KIT: variants seen among roughly 807,000 people sequenced by gnomAD.
The protein encoded by KIT is KIT proto-oncogene, receptor tyrosine kinase, also known as mast/stem cell growth factor receptor Kit.
A neutral mutation model predicts 105.7 loss-of-function variants in KIT; 16 were observed. That is an observed-to-expected ratio of 0.15 (90% confidence interval 0.10 to 0.23). The LOEUF (loss-of-function observed/expected upper bound fraction) is 0.23, where lower values mean the gene tolerates loss of function less well. Among genes scored for constraint, KIT ranks in the 10% least tolerant of loss-of-function variants. The pLI is 1.00. For synonymous variants in KIT, 438 were observed against 441.1 expected (o/e 0.99, Z 0.09); for missense variants, 858 against 1,213.8 (o/e 0.71, Z 4.36).
At position 54,731,443 on chromosome 4, in the gene KIT, C is replaced by G. The variant is rs1722592737; in HGVS notation, c.2233+24C>G. On this transcript the variant is annotated intron_variant, in intron 15 of 20. Coordinates refer to ENST00000288135, the MANE Select transcript of KIT (RefSeq NM_000222.3). ...AGGTGAGTACCTACCTATCAAGCAA[C>G]CAAGAGTAACTTTACAGAGAGTATG... The G allele has an allele frequency of 2.8e-6, 4 of 1,442,816 alleles. No individual in the cohort carries two copies. In the African/African-American group the frequency reaches 5.6e-5, roughly 20 times the overall value. 89.4% of individuals were successfully genotyped at this position (1,442,816 alleles called of 1,614,324 possible). A position where few individuals can be genotyped will look rare whatever the true frequency, so the allele number is the denominator to read the frequency against.
intron 1 of KIT, among the ~76,000 whole-genome samples, chr4:54,679,163 A>G (rs913857663): frequency 2.6e-5 from 4 of 152,158 alleles, no homozygotes; most frequent in Non-Finnish European, 5.9e-5. Flanking sequence ...AAACACATGC[A>G]CTGCCTTCCT....
chr4:54,699,131 T>C lies in KIT; in HGVS notation c.620-499T>C, dbSNP rs190153786. ...TCATCTAATTCAACACCAGTTGGCA[T>C]TCAGCTATTGAGTACAGTTTTTATT... On this transcript the variant is annotated intron_variant, in intron 3 of 20. Coordinates refer to ENST00000288135, the MANE Select transcript of KIT (RefSeq NM_000222.3). 4.1e-3 allele frequency among the ~76,000 whole-genome samples: 624 copies of C among 152,340 alleles called. 6 individuals carry two copies. The highest frequency in any genetic ancestry group is 3.0e-3 in the Non-Finnish European group (203 of 68,030).
At chr4:54,685,926 T>G (rs906935654) in intron 1 of KIT, among the ~76,000 whole-genome samples, 11 of 152,232 alleles carry the variant, frequency 7.2e-5, no homozygotes, top group African/African-American at 2.4e-4. Context: ...TACATAATAC[T>G]CTGCCCTGTT....
chr4:54,727,951 T>C (rs764153566), intron 12 of KIT, 24 bp downstream of exon 12: 24 of 1,611,450 alleles, frequency 1.5e-5, no homozygotes, highest in Non-Finnish European at 2.0e-5. Context: ...TGGTACTGCA[T>C]GCGCTTGACA....
At chr4:54,663,141 G>A (rs921738758) in intron 1 of KIT, among the ~76,000 whole-genome samples, 1 of 152,068 alleles carries the variant, frequency 6.6e-6, no homozygotes, top group Non-Finnish European at 1.5e-5. Flanking sequence ...ATACCTTTCT[G>A]ACAGGTTTTC....
Position 54,731,400 on chromosome 4 carries a change from AAGG to A in KIT, c.2217_2219del (p.Arg740del), listed in dbSNP as rs773173925. 9 of 1,612,842 alleles carry A rather than the reference AAGG, an allele frequency of 5.6e-6. No individual in the cohort carries two copies. On this transcript the variant is annotated inframe_deletion, in exon 15 of 21. Coordinates refer to ENST00000288135, the MANE Select transcript of KIT (RefSeq NM_000222.3). ...ATGTTGTCCCAACCAAGGCCGACAA[AAGG>A]AGATCTGTGAGAATAGGTGAGTACC...
intron 6 of KIT, 48 bp from the exon 7 acceptor site, chr4:54,709,376 C>T (rs755058156): frequency 1.3e-5 from 15 of 1,174,828 alleles, no homozygotes; most frequent in Non-Finnish European, 1.8e-5. Context: ...ACATGCCTTC[C>T]AAGGCATGCT....
intron 1 of KIT, among the ~76,000 whole-genome samples, chr4:54,671,836 T>G (rs1160441913): frequency 6.6e-6 from 1 of 152,198 alleles, no homozygotes; most frequent in Non-Finnish European, 1.5e-5. Context: ...TATAACCATC[T>G]AGCTTCAACA....
chr4:54,678,953 G>T (rs1199232851), intron 1 of KIT, among the ~76,000 whole-genome samples: 1 of 146,924 alleles, frequency 6.8e-6, no homozygotes, highest in East Asian at 2.0e-4. Flanking sequence ...CCCCACCTTT[G>T]CTGTGCCCCC....
chr4:54,726,655 G>T (rs1722232775), intron 9 of KIT, among the ~76,000 whole-genome samples: 1 of 152,036 alleles, frequency 6.6e-6, no homozygotes, highest in Non-Finnish European at 1.5e-5. Context: ...TTTGTTTGTT[G>T]TTTTCGTTTT....
intron 17 of KIT, among the ~76,000 whole-genome samples, chr4:54,735,277 T>C (rs1722855765): frequency 1.3e-5 from 2 of 150,918 alleles, no homozygotes; most frequent in South Asian, 4.2e-4. Flanking sequence ...GGAGCCCTTA[T>C]AGGAACTTTA....
At chr4:54,719,585 C>T (rs1181158933) in intron 7 of KIT, among the ~76,000 whole-genome samples, 1 of 151,960 alleles carries the variant, frequency 6.6e-6, no homozygotes, top group South Asian at 2.1e-4. Context: ...TTTTTATCTC[C>T]ACAGGAAATG....
At chr4:54,731,779 ATTACCAGCCT>A in intron 15 of KIT, 82 bp from the exon 16 acceptor site, 1 of 1,352,764 alleles carries the variant, frequency 7.4e-7, no homozygotes. Context: ...TAGTTCATTC[ATTACCAGCCT>A]TTGGTATGTC....
Position 54,738,512 on chromosome 4 carries a change from C to T in KIT, c.2886C>T (p.Ser962=), listed in dbSNP as rs767942133. 8 of 1,614,102 alleles carry T rather than the reference C, an allele frequency of 5.0e-6. No individual in the cohort carries two copies. Among genetic ancestry groups the T allele is most frequent in the Non-Finnish European group, 5.1e-6 (6 of 1,180,022 alleles). The change falls in exon 21 of 21, where the codon AGC becomes AGT. Residue 962 remains serine (S), a synonymous_variant. Transcript: ENST00000288135. ...CTGTGCGGATCAATTCTGTCGGCAG[C>T]ACCGCTTCCTCCTCCCAGCCTCTGC... The part of the protein sequence containing the change: ...DHSVRINSVG[S]TASSSQPLLV...
chr4:54,721,286 G>A (rs988537309), intron 7 of KIT, among the ~76,000 whole-genome samples: 2 of 152,176 alleles, frequency 1.3e-5, no homozygotes, highest in African/African-American at 4.8e-5. Context: ...AAAAGGAGGT[G>A]ACACTTAAAC....
chr4:54,658,092 G>A lies in KIT; in HGVS notation c.67+11G>A, dbSNP rs536817808. 15 of 1,613,394 alleles carry A rather than the reference G, an allele frequency of 9.3e-6. No individual in the cohort carries two copies. The African/African-American group carries it at 1.2e-4, about 13-fold the overall frequency. On this transcript the variant is annotated intron_variant, in intron 1 of 20. Transcript: ENST00000288135. ...TTCGCGTCCAGACAGGTGGGACACC[G>A]CGGCTGGCACCCCGACCGTGCGACT...
At chr4:54,701,775 T>C (rs1720467266) in intron 4 of KIT, among the ~76,000 whole-genome samples, 2 of 152,212 alleles carry the variant, frequency 1.3e-5, no homozygotes, top group South Asian at 4.1e-4. Flanking sequence ...CCATTGTCAC[T>C]CTGCCTTTGT....
At chr4:54,672,436 C>T (rs563039254) in intron 1 of KIT, among the ~76,000 whole-genome samples, 2 of 152,024 alleles carry the variant, frequency 1.3e-5, no homozygotes, top group Admixed American at 1.3e-4. Context: ...TTAATGGTTG[C>T]CTTCAGACTG....
At chr4:54,720,142 G>A (rs538009848) in intron 7 of KIT, among the ~76,000 whole-genome samples, 1 of 152,144 alleles carries the variant, frequency 6.6e-6, no homozygotes, top group East Asian at 1.9e-4. Flanking sequence ...CTTTAAAAAG[G>A]TACATTGCTG....
Sources: allele counts gnomAD v4.1 joint callset (sites outside exome capture counted in the v4.1 genomes callset), GRCh38; gene constraint gnomAD v4.1.1; transcripts MANE v1.5; gene names NCBI Gene and HGNC (gene_info 2026-07-23, HGNC 2026-07-21).